YAF2: variants seen among roughly 807,000 people sequenced by gnomAD.
YAF2 encodes the protein YY1 associated factor 2, also known as YY1-associated factor 2.
Under a neutral mutation model 20.1 loss-of-function variants are expected in YAF2, and 7 were observed. That is an observed-to-expected ratio of 0.35 (90% CI 0.20 to 0.65). YAF2 has a LOEUF of 0.65. Ranked by LOEUF, YAF2 falls within the 30% of genes least tolerant of loss-of-function variation. The probability of loss-of-function intolerance (pLI) is 0.69; values close to 1 mark genes in which losing one functional copy is unlikely to be tolerated. For missense variants in YAF2, 151 were observed against 219.2 expected (o/e 0.69, Z 1.96); for synonymous variants, 74 against 76.0 (o/e 0.97, Z 0.14).
At chr12:42,171,765 G>GCAA (rs1485371067) in intron 2 of YAF2, among the ~76,000 whole-genome samples, 4 of 150,498 alleles carry the variant, frequency 2.7e-5, no homozygotes, top group African/African-American at 9.8e-5. Context: ...ACCAGGCTGG[G>GCAA]CAACATGGTG....
chr12:42,176,067 C>A (rs1280045779), intron 2 of YAF2, among the ~76,000 whole-genome samples: 1 of 151,892 alleles, frequency 6.6e-6, no homozygotes, highest in African/African-American at 2.4e-5. Flanking sequence ...GCCAACATGG[C>A]GAAACTCCGT....
At chr12:42,175,359 G>A (rs1360301040) in intron 2 of YAF2, among the ~76,000 whole-genome samples, 1 of 152,028 alleles carries the variant, frequency 6.6e-6, no homozygotes, top group Non-Finnish European at 1.5e-5. Flanking sequence ...ACCAGAGATG[G>A]GATGGGGGTA....
At chr12:42,229,671 T>C (rs1397301741) in intron 2 of YAF2, among the ~76,000 whole-genome samples, 1 of 152,240 alleles carries the variant, frequency 6.6e-6, no homozygotes, top group Non-Finnish European at 1.5e-5. Flanking sequence ...AATGTATTTA[T>C]ACAAACCTAG....
At chr12:42,238,118 C>T (rs771989432) in intron 1 of YAF2, 37 bp downstream of exon 1, 16 of 1,490,514 alleles carry the variant, frequency 1.1e-5, no homozygotes, top group African/African-American at 1.5e-5. Context: ...GCCCTGCCGC[C>T]CGCACAGTCC....
chr12:42,207,675 A>G (rs190149832), intron 2 of YAF2, among the ~76,000 whole-genome samples: 135 of 151,050 alleles, frequency 8.9e-4, no homozygotes, highest in African/African-American at 2.3e-3. Flanking sequence ...GGCAGATCAC[A>G]AGGTCAGGCG....
At chr12:42,231,509 G>GTT in intron 2 of YAF2, 1 of 152,198 alleles carries the variant, frequency 6.6e-6, no homozygotes, top group East Asian at 1.9e-4. Context: ...TAAAAACACA[G>GTT]TTGTTTCTCA....
In YAF2 at chr12:42,211,925, TATA is replaced by T. The variant is rs1196723288; in HGVS notation, c.152+25671_152+25673del. On this transcript the variant is annotated intron_variant, in intron 2 of 3. Transcript: ENST00000534854. ...TTAGCCGGGTGTAGTGGCAGGTGCC[TATA>T]ATCCCAGCTACTCAGGAGGCTGAGG... 5.9e-5 allele frequency among the ~76,000 whole-genome samples: 9 copies of T among 151,844 alleles called. No individual in the cohort carries two copies. The East Asian group carries it at 1.7e-3, about 29-fold the overall frequency.
intron 2 of YAF2, among the ~76,000 whole-genome samples, chr12:42,174,540 G>A (rs748307531): frequency 1.2e-4 from 19 of 152,024 alleles, no homozygotes; most frequent in Admixed American, 4.6e-4. Context: ...TCTTATCTAC[G>A]CTAACCCTCC....
At chr12:42,189,376 ATTT>A (rs2066555168) in intron 2 of YAF2, among the ~76,000 whole-genome samples, 1 of 152,178 alleles carries the variant, frequency 6.6e-6, no homozygotes, top group Non-Finnish European at 1.5e-5. Context: ...CTTTATTAGG[ATTT>A]TTTAATGCTA....
At chr12:42,197,464 C>T (rs1179582822) in intron 2 of YAF2, among the ~76,000 whole-genome samples, 1 of 152,224 alleles carries the variant, frequency 6.6e-6, no homozygotes, top group Non-Finnish European at 1.5e-5. Flanking sequence ...CATATCCTGC[C>T]ACTGCTAATT....
intron 2 of YAF2, among the ~76,000 whole-genome samples, chr12:42,187,929 T>G (rs1045033911): frequency 6.6e-6 from 1 of 152,164 alleles, no homozygotes; most frequent in Non-Finnish European, 1.5e-5. Flanking sequence ...CCAGCTCTTA[T>G]GTCATGGGGA....
intron 2 of YAF2, among the ~76,000 whole-genome samples, chr12:42,166,829 T>TAA (rs377527943): frequency 1.5e-5 from 2 of 137,852 alleles, no homozygotes; most frequent in Admixed American, 7.3e-5. Context: ...CAATGAAAGT[T>TAA]AAAAAAAAAA....
chr12:42,207,677 G>C (rs560616288), intron 2 of YAF2, among the ~76,000 whole-genome samples: 19 of 152,164 alleles, frequency 1.2e-4, no homozygotes, highest in Non-Finnish European at 1.8e-4. Context: ...CAGATCACAA[G>C]GTCAGGCGAT....
intron 2 of YAF2, among the ~76,000 whole-genome samples, chr12:42,217,319 A>C (rs2067384314): frequency 6.6e-6 from 1 of 152,160 alleles, no homozygotes; most frequent in Non-Finnish European, 1.5e-5. Context: ...TTACAAATAC[A>C]CTTTTACTCT....
chr12:42,231,443 G>GT (rs2067981745), intron 2 of YAF2: 1 of 152,134 alleles, frequency 6.6e-6, no homozygotes, highest in African/African-American at 2.4e-5. Flanking sequence ...TTGAAAAGAG[G>GT]TAAGTAGTTG....
At chr12:42,203,566 T>C (rs1308554895) in intron 2 of YAF2, among the ~76,000 whole-genome samples, 1 of 152,188 alleles carries the variant, frequency 6.6e-6, no homozygotes, top group East Asian at 1.9e-4. Flanking sequence ...CTCATTTCTG[T>C]TCATAGTGTA....
chr12:42,172,016 T>C (rs2066064002), intron 2 of YAF2: 1 of 152,170 alleles, frequency 6.6e-6, no homozygotes, highest in Non-Finnish European at 1.5e-5. Context: ...CAAACCAGCC[T>C]CTAACTACAT....
chr12:42,234,738 A>C (rs890657012), intron 2 of YAF2: 8 of 982,452 alleles, frequency 8.1e-6, no homozygotes, highest in Admixed American at 6.1e-5. Context: ...CTATAATCCC[A>C]GTTCTTTGGG....
In YAF2 at chr12:42,238,240, G is replaced by T; in HGVS notation, c.-60C>A. 3.2e-6 allele frequency: 4 copies of T among 1,253,194 alleles called. No individual in the cohort carries two copies. In the South Asian group the frequency reaches 5.6e-5, roughly 17 times the overall value. The allele number at this position is 1,253,194 out of a possible 1,614,324, so 77.6% of individuals were successfully genotyped here. A position where few individuals can be genotyped will look rare whatever the true frequency, so the allele number is the denominator to read the frequency against. ...CGCGACCGCTCTGTTTGTCAATAAGGAGGATAATAAGCCGGGCGGAAGCGG... is the reference window on the plus strand; with the variant it reads ...CGCGACCGCTCTGTTTGTCAATAAGTAGGATAATAAGCCGGGCGGAAGCGG... On this transcript the variant is annotated 5_prime_UTR_variant, in exon 1 of 4. Coordinates refer to ENST00000534854, the MANE Select transcript of YAF2 (RefSeq NM_005748.6).
Sources: gnomAD v4.1 joint callset for allele counts (sites outside exome capture counted in the v4.1 genomes callset) on GRCh38, gnomAD v4.1.1 for gene constraint, MANE v1.5 for transcripts, NCBI Gene and HGNC (gene_info 2026-07-23, HGNC 2026-07-21) for gene names.